N4BP1: variants seen among roughly 807,000 people sequenced by gnomAD.
N4BP1 encodes NEDD4 binding protein 1.
N4BP1 carries 21 observed loss-of-function variants against 70.9 expected under a neutral mutation model. The observed-to-expected ratio is 0.30, with a 90% CI of 0.21 to 0.43. N4BP1 has a LOEUF of 0.43. Ranked by LOEUF, N4BP1 falls within the 20% of genes least tolerant of loss-of-function variation. The pLI is 1.00. For synonymous variants in N4BP1, 387 were observed against 394.6 expected (o/e 0.98, Z 0.23); for missense variants, 936 against 1,069.4 (o/e 0.88, Z 1.74).
chr16:48,586,680 G>A (rs1368636067), intron 1 of N4BP1, among the ~76,000 whole-genome samples: 2 of 152,024 alleles, frequency 1.3e-5, no homozygotes, highest in African/African-American at 2.4e-5. Context: ...ACTATCTCTG[G>A]AGGTTCCTAA....
chr16:48,609,108 G>C lies in N4BP1; in HGVS notation c.198+667C>G, dbSNP rs372154756. On this transcript the variant is annotated intron_variant, in intron 1 of 6. Transcript: ENST00000262384. ...CGCGCTCCTATAGTACTAGCTACTC[G>C]GGAGGCTGAGGTGGGAGGATCACTT... Among the ~76,000 whole-genome samples, 348 of 151,748 alleles carry C rather than the reference G, an allele frequency of 2.3e-3. 2 individuals are homozygous for C. Among genetic ancestry groups the C allele is most frequent in the African/African-American group, 8.1e-3 (335 of 41,354 alleles).
intron 1 of N4BP1, among the ~76,000 whole-genome samples, chr16:48,599,923 CT>C (rs1264251630): frequency 3.3e-5 from 5 of 152,170 alleles, no homozygotes; most frequent in Non-Finnish European, 5.9e-5. Context: ...TGCTGCTTAT[CT>C]TTTGACTTTT....
chr16:48,545,856 T>C lies in N4BP1; in HGVS notation c.2333+291A>G, dbSNP rs565726297. Among the ~76,000 whole-genome samples the C allele has an allele frequency of 7.2e-5, 11 of 151,924 alleles. No homozygotes were observed. In the South Asian group the frequency reaches 2.1e-3, roughly 29 times the overall value. On this transcript the variant is annotated intron_variant, in intron 6 of 6. Coordinates refer to ENST00000262384, the MANE Select transcript of N4BP1 (RefSeq NM_153029.4). ...GCCTGGGCAACATGGTAAGACCCTG[T>C]CTCTACTAAAAATACAAAAAAAGAG...
At chr16:48,560,077 T>A (rs1253564007) in intron 2 of N4BP1, among the ~76,000 whole-genome samples, 1 of 149,660 alleles carries the variant, frequency 6.7e-6, no homozygotes, top group Non-Finnish European at 1.5e-5. Flanking sequence ...ACACTCTCCT[T>A]AGCCACGATC....
intron 1 of N4BP1, among the ~76,000 whole-genome samples, chr16:48,598,013 T>C (rs1241961839): frequency 6.6e-6 from 1 of 152,116 alleles, no homozygotes; most frequent in Non-Finnish European, 1.5e-5. Context: ...GTGGACTAGA[T>C]AAAAGGCTCC....
chr16:48,551,402 C>T lies in N4BP1; in HGVS notation c.2101G>A (p.Ala701Thr). ...CTTTCATACCTGTCATCATGAGAAG[C>T]AATTCTTTCTCCAAAGACCATCCGG... ...PARMVFGERI[A>T]SHDDRFLLHL... Residue 701 changes from alanine (A) to threonine (T), a missense_variant, in exon 4 of 7, where the codon GCT becomes ACT. Ala to Thr is a moderately conservative substitution (Grantham distance 58, BLOSUM62 0). This residue lies in a region of N4BP1 where 229 missense variants were observed against 343.5 expected (regional missense o/e 0.67). Coordinates refer to ENST00000262384, the MANE Select transcript of N4BP1 (RefSeq NM_153029.4). 1 of 1,613,372 alleles carries T rather than the reference C, an allele frequency of 6.2e-7. No homozygotes were observed. Among genetic ancestry groups the T allele is most frequent in the Non-Finnish European group, 8.5e-7 (1 of 1,179,470 alleles).
At chr16:48,604,880 C>A (rs950637076) in intron 1 of N4BP1, among the ~76,000 whole-genome samples, 1 of 152,112 alleles carries the variant, frequency 6.6e-6, no homozygotes, top group Non-Finnish European at 1.5e-5. Flanking sequence ...CTGACTAATG[C>A]GATACGCATG....
At chr16:48,551,757 G>A (rs564516970) in intron 3 of N4BP1, among the ~76,000 whole-genome samples, 22 of 152,298 alleles carry the variant, frequency 1.4e-4, no homozygotes, top group African/African-American at 5.3e-4. Flanking sequence ...AGTGGCTCAC[G>A]CCTGTAATCC....
intron 1 of N4BP1, among the ~76,000 whole-genome samples, chr16:48,572,219 A>G (rs1347449382): frequency 6.6e-6 from 1 of 152,122 alleles, no homozygotes; most frequent in African/African-American, 2.4e-5. Flanking sequence ...AATAAAATAC[A>G]TAAGAACTCA....
At position 48,539,427 on chromosome 16, in the gene N4BP1, G is replaced by C. The variant is rs1365593712; in HGVS notation, c.*3477C>G. The C allele has an allele frequency of 6.6e-6, 1 of 152,664 alleles. No homozygotes were observed. The highest frequency in any genetic ancestry group is 1.5e-5 in the Non-Finnish European group (1 of 68,442). 9.5% of individuals were successfully genotyped at this position (152,664 alleles called of 1,614,324 possible). On this transcript the variant is annotated 3_prime_UTR_variant, in exon 7 of 7. Transcript: ENST00000262384. ...GGGGCCCCATGCAAGCTGCAGGTCT[G>C]GGGAGCCTGAGGATGTCATAGGGCT...
At chr16:48,571,672 G>C (rs1964022912) in intron 1 of N4BP1, among the ~76,000 whole-genome samples, 1 of 151,978 alleles carries the variant, frequency 6.6e-6, no homozygotes, top group Admixed American at 6.6e-5. Context: ...AAAGAAATCA[G>C]AATAGAAATG....
rs1252888748 is a variant in N4BP1 at position 48,540,001 on chromosome 16, G to C, written c.*2903C>G. ...CTGGGAAGTGGAGAGTGGGAGGTGA[G>C]GGGAAGCACTAGCAATGAATGAAGA... On this transcript the variant is annotated 3_prime_UTR_variant, in exon 7 of 7. Coordinates refer to ENST00000262384, the MANE Select transcript of N4BP1 (RefSeq NM_153029.4). 6.6e-6 allele frequency: 1 copy of C among 152,380 alleles called. No individual in the cohort carries two copies. The highest frequency in any genetic ancestry group is 2.4e-5 in the African/African-American group (1 of 41,470). 9.4% of individuals were successfully genotyped at this position (152,380 alleles called of 1,614,324 possible).
intron 1 of N4BP1, 135 bp from the exon 2 acceptor site, chr16:48,562,579 CAT>C (rs1340706852): frequency 1.2e-5 from 9 of 757,044 alleles, no homozygotes; most frequent in Non-Finnish European, 1.6e-5. Context: ...AACAAAATGT[CAT>C]GTTTTAAATA....
intron 2 of N4BP1, among the ~76,000 whole-genome samples, chr16:48,559,406 G>T (rs1963818107): frequency 6.6e-6 from 1 of 152,152 alleles, no homozygotes; most frequent in Admixed American, 6.5e-5. Flanking sequence ...ATGTCCAGGT[G>T]TCCTGTTTCT....
intron 1 of N4BP1, among the ~76,000 whole-genome samples, chr16:48,567,369 C>T (rs1004765394): frequency 6.6e-6 from 1 of 152,180 alleles, no homozygotes. Context: ...GGCTTGAGTG[C>T]AGTGGCACGC....
Position 48,546,254 on chromosome 16 carries a change from C to T in N4BP1, c.2226G>A (p.Arg742=), listed in dbSNP as rs1454296017. 1.2e-6 allele frequency: 2 copies of T among 1,600,744 alleles called. No homozygotes were observed. Among genetic ancestry groups the T allele is most frequent in the African/African-American group, 2.7e-5 (2 of 74,050 alleles). Residue 742 remains arginine, a splice_region_variant and synonymous_variant, in exon 6 of 7, where the codon AGG becomes AGA. Coordinates refer to ENST00000262384, the MANE Select transcript of N4BP1 (RefSeq NM_153029.4). The stretch of plus-strand genomic sequence containing the variant: ...CCCCCACGAACGTGTACTGCAGCAG[C>T]CTACAACACAGAACACCATGAGGCT... The part of the protein sequence containing the change: ...SVSWREIITK[R]LLQYTFVGDI...
chr16:48,543,794 C>T (rs1426433774), intron 6 of N4BP1, among the ~76,000 whole-genome samples: 1 of 152,156 alleles, frequency 6.6e-6, no homozygotes, highest in African/African-American at 2.4e-5. Context: ...AAAAGCCTCC[C>T]ACTGGACTCG....
At chr16:48,576,397 G>T (rs1327162667) in intron 1 of N4BP1, among the ~76,000 whole-genome samples, 1 of 152,136 alleles carries the variant, frequency 6.6e-6, no homozygotes, top group Non-Finnish European at 1.5e-5. Flanking sequence ...CTGCCCCATA[G>T]GAAAGGACTT....
At chr16:48,595,260 G>A (rs1249394511) in intron 1 of N4BP1, among the ~76,000 whole-genome samples, 2 of 151,714 alleles carry the variant, frequency 1.3e-5, no homozygotes, top group African/African-American at 4.8e-5. Flanking sequence ...CCAGGAGTTC[G>A]AGACCAGCCT....
Sources: gnomAD v4.1 joint callset for allele counts (sites outside exome capture counted in the v4.1 genomes callset) on GRCh38, gnomAD v4.1.1 for gene constraint, gnomAD v4.1.1 regional missense constraint, MANE v1.5 for transcripts, NCBI Gene and HGNC (gene_info 2026-07-23, HGNC 2026-07-21) for gene names.